The following CHAF1A variants were observed in gnomAD, a reference collection of about 807,000 sequenced individuals.
CHAF1A encodes CAF-1 subunit A.
CHAF1A carries 5 observed loss-of-function variants against 93.2 expected under a neutral mutation model. The observed-to-expected ratio is 0.05, with a 90% CI of 0.03 to 0.11. The LOEUF (loss-of-function observed/expected upper bound fraction) is 0.11, where lower values mean the gene tolerates loss of function less well. CHAF1A is among the 10% of genes least tolerant of loss of function. CHAF1A has a pLI of 1.00. For synonymous variants in CHAF1A, 504 were observed against 510.3 expected (o/e 0.99, Z 0.17); for missense variants, 1,102 against 1,259.9 (o/e 0.87, Z 1.90).
intron 12 of CHAF1A, 94 bp from the exon 13 acceptor site, chr19:4,432,976 G>A (rs243372): frequency 0.52 from 525,857 of 1,017,294 alleles, 138,895 homozygotes; most frequent in Admixed American, 0.71. Flanking sequence ...CCCAAGCCTC[G>A]GTGGCAATGA....
At chr19:4,450,782 A>G in the CHAF1A span, 1 of 151,080 alleles carries the variant, frequency 6.6e-6, no homozygotes, top group African/African-American at 2.4e-5. Flanking sequence ...AAAAAAAAAA[A>G]AAAAGAGTGC....
intron 7 of CHAF1A, among the ~76,000 whole-genome samples, chr19:4,427,621 T>C (rs1431624331): frequency 6.7e-6 from 1 of 150,116 alleles, no homozygotes; most frequent in Non-Finnish European, 1.5e-5. Flanking sequence ...GGAGTCTTGC[T>C]CTATCCCCCA....
Position 4,409,108 on chromosome 19 carries a change from A to G in CHAF1A, c.309A>G (p.Arg103=), listed in dbSNP as rs145585672. 1 of 1,614,208 alleles carries G rather than the reference A, an allele frequency of 6.2e-7. No individual in the cohort carries two copies. Among genetic ancestry groups the G allele is most frequent in the African/African-American group, 1.3e-5 (1 of 75,042 alleles). Residue 103 remains arginine (R), a synonymous_variant, in exon 3 of 15, where the codon AGA becomes AGG. Transcript: ENST00000301280. ...AGGGTCCCTTAGATAACTTTTTAAGAAATAGAATCGAAACCAGTATTGGCC... is the reference window on the plus strand; with the variant it reads ...AGGGTCCCTTAGATAACTTTTTAAGGAATAGAATCGAAACCAGTATTGGCC... ...NGKGPLDNFL[R]NRIETSIGQS...
intron 2 of CHAF1A, among the ~76,000 whole-genome samples, chr19:4,406,644 G>A (rs1255454198): frequency 2.0e-5 from 3 of 151,946 alleles, no homozygotes; most frequent in Admixed American, 1.3e-4. Flanking sequence ...CATGTTGGCC[G>A]GGATGGTCTC....
downstream of CHAF1A, chr19:4,445,927 G>C (rs2145166675): frequency 6.9e-7 from 1 of 1,457,342 alleles, no homozygotes; most frequent in South Asian, 1.4e-5. Context: ...TTCAAACCCA[G>C]GGACCTGCCC....
At position 4,430,515 on chromosome 19, in the gene CHAF1A, A is replaced by G. The variant is rs748545722; in HGVS notation, c.1855-34A>G. 10 of 1,444,836 alleles carry G rather than the reference A, an allele frequency of 6.9e-6. No homozygotes were observed. In the Admixed American group the frequency reaches 8.4e-5, roughly 12 times the overall value. The allele number at this position is 1,444,836 out of a possible 1,614,324, so 89.5% of individuals were successfully genotyped here. A position where few individuals can be genotyped will look rare whatever the true frequency, so the allele number is the denominator to read the frequency against. On this transcript the variant is annotated intron_variant, in intron 10 of 14. Coordinates refer to ENST00000301280, the MANE Select transcript of CHAF1A (RefSeq NM_005483.3). Reference sequence around the variant, plus strand: ...AATAAGGCACACACTCTGCTTTTCTATCTGATGAACTCTTTTTTTTTTCTC... The same window carrying G: ...AATAAGGCACACACTCTGCTTTTCTGTCTGATGAACTCTTTTTTTTTTCTC...
downstream of CHAF1A, chr19:4,445,922 ACCCAGGGACCTG>A: frequency 7.0e-7 from 1 of 1,435,970 alleles, no homozygotes; most frequent in Non-Finnish European, 9.3e-7. Context: ...CAGGATTCAA[ACCCAGGGACCTG>A]CCCAGGCCCC....
chr19:4,411,291 G>A (rs534988104), intron 3 of CHAF1A, among the ~76,000 whole-genome samples: 4 of 151,720 alleles, frequency 2.6e-5, no homozygotes, highest in African/African-American at 7.3e-5. Context: ...GTACAATGGC[G>A]CCATCTCAGC....
At chr19:4,425,074 C>A (rs1974057513) in intron 7 of CHAF1A, among the ~76,000 whole-genome samples, 1 of 152,152 alleles carries the variant, frequency 6.6e-6, no homozygotes, top group South Asian at 2.1e-4. Context: ...TGCACCTGGC[C>A]TGTCCTTTTA....
intron 2 of CHAF1A, 140 bp from the exon 3 acceptor site, chr19:4,408,763 C>T: frequency 1.8e-6 from 2 of 1,097,916 alleles, no homozygotes; most frequent in South Asian, 1.6e-5. Flanking sequence ...CATGAGCCAC[C>T]ACACCCGGCC....
chr19:4,441,141 A>T (rs1390333060), intron 13 of CHAF1A, among the ~76,000 whole-genome samples: 1 of 151,866 alleles, frequency 6.6e-6, no homozygotes, highest in East Asian at 1.9e-4. Flanking sequence ...ACATGGTGAA[A>T]CCCCATCTCT....
At chr19:4,426,168 T>TTTTTTTTTTTTTTTTTTTTTTTC in intron 7 of CHAF1A, among the ~76,000 whole-genome samples, 1 of 9,030 alleles carries the variant, frequency 1.1e-4, no homozygotes, top group Non-Finnish European at 1.8e-4. Context: ...GTTTACAGTC[T>TTTTTTTTTTTTTTTTTTTTTTTC]TTTTTTTTTT....
chr19:4,436,140 C>T (rs1171804414), intron 13 of CHAF1A, among the ~76,000 whole-genome samples: 1 of 149,634 alleles, frequency 6.7e-6, no homozygotes, highest in East Asian at 1.9e-4. Context: ...TTCTAGTCCC[C>T]CAAAAAAAAA....
chr19:4,418,308 G>A (rs1973930045), intron 4 of CHAF1A, among the ~76,000 whole-genome samples: 3 of 151,730 alleles, frequency 2.0e-5, no homozygotes, highest in Admixed American at 1.3e-4. Flanking sequence ...CCTTTTCTAA[G>A]CTTTTATCAA....
chr19:4,421,412 A>T (rs1405920012), intron 4 of CHAF1A, among the ~76,000 whole-genome samples: 2 of 152,156 alleles, frequency 1.3e-5, no homozygotes, highest in African/African-American at 4.8e-5. Context: ...TGAATTTCCC[A>T]CAAGTACCAG....
intron 2 of CHAF1A, among the ~76,000 whole-genome samples, chr19:4,407,447 G>T (rs144315042): frequency 1.2e-4 from 17 of 146,136 alleles, no homozygotes; most frequent in African/African-American, 3.8e-4. Context: ...AGAGCCTAGG[G>T]TGCTGAGGCC....
At chr19:4,445,150 C>A (rs1974477515), downstream of CHAF1A, 1 of 273,654 alleles carries the variant, frequency 3.7e-6, no homozygotes, top group African/African-American at 2.2e-5. Context: ...ACCCACGGCA[C>A]ACGGGAACAG....
At chr19:4,445,383 C>A, downstream of CHAF1A, 1 of 1,525,696 alleles carries the variant, frequency 6.6e-7, no homozygotes, top group African/African-American at 1.4e-5. Flanking sequence ...CTCCCGTGCC[C>A]ATGGGGCAGA....
intron 3 of CHAF1A, among the ~76,000 whole-genome samples, chr19:4,414,210 G>A (rs1431648390): frequency 2.0e-5 from 3 of 152,116 alleles, no homozygotes; most frequent in Admixed American, 6.6e-5. Context: ...AAACCAGCTT[G>A]ACCAACATGG....
Sources: allele counts gnomAD v4.1 joint callset (sites outside exome capture counted in the v4.1 genomes callset), GRCh38; gene constraint gnomAD v4.1.1; transcripts MANE v1.5; gene names NCBI Gene and HGNC (gene_info 2026-07-23, HGNC 2026-07-21).